NOTCH2: variants seen among roughly 807,000 people sequenced by gnomAD.
The protein encoded by NOTCH2 is notch receptor 2, also known as neurogenic locus notch homolog protein 2.
In NOTCH2, 29 loss-of-function variants were observed where a neutral mutation model predicts 235.8. The observed-to-expected ratio is 0.12, with a 90% CI of 0.09 to 0.17. The LOEUF is 0.17. Ranked by LOEUF, NOTCH2 falls within the 10% of genes least tolerant of loss-of-function variation. NOTCH2 has a pLI of 1.00. For missense variants in NOTCH2, 2,285 were observed against 3,150.2 expected (o/e 0.73, Z 6.57); for synonymous variants, 1,086 against 1,141.5 (o/e 0.95, Z 0.98).
chr1:119,921,669 C>G, intron 29 of NOTCH2, 44 bp downstream of exon 29: 1 of 1,517,770 alleles, frequency 6.6e-7, no homozygotes, highest in Non-Finnish European at 9.2e-7. Context: ...TGAAATGTAA[C>G]CAGATAATGG....
intron 19 of NOTCH2, 142 bp from the exon 20 acceptor site, chr1:119,938,152 A>T: frequency 1.1e-6 from 1 of 891,656 alleles, no homozygotes; most frequent in Non-Finnish European, 1.7e-6. Context: ...AAGAGCCCTT[A>T]AACTAGATTC....
At chr1:119,968,529 T>C (rs1006831088) in intron 6 of NOTCH2, among the ~76,000 whole-genome samples, 4 of 152,216 alleles carry the variant, frequency 2.6e-5, no homozygotes, top group Non-Finnish European at 5.9e-5. Flanking sequence ...TGGAGCTATC[T>C]TCCAGATAGT....
At chr1:119,950,679 G>T (rs1342657532) in intron 15 of NOTCH2, 45 bp downstream of exon 15, 13 of 1,251,602 alleles carry the variant, frequency 1.0e-5, no homozygotes, top group Non-Finnish European at 1.5e-5. Flanking sequence ...GACAAAGCAA[G>T]GTCAAGTATC....
At chr1:120,066,317 T>C (rs1261717702) in intron 1 of NOTCH2, among the ~76,000 whole-genome samples, 1 of 149,336 alleles carries the variant, frequency 6.7e-6, no homozygotes, top group Non-Finnish European at 1.5e-5. Flanking sequence ...GCAACCAAGT[T>C]ACTTGTCAGA....
chr1:120,004,668 G>A (rs2101239575), intron 3 of NOTCH2, among the ~76,000 whole-genome samples: 1 of 152,232 alleles, frequency 6.6e-6, no homozygotes, highest in East Asian at 1.9e-4. Context: ...AATGTCTAGG[G>A]AGGGAGATTT....
intron 8 of NOTCH2, among the ~76,000 whole-genome samples, 184 bp downstream of exon 8, chr1:119,967,249 T>C (rs1049041089): frequency 6.6e-6 from 1 of 152,204 alleles, no homozygotes; most frequent in African/African-American, 2.4e-5. Context: ...ATTCTAGCAC[T>C]GCCTTACTCT....
Position 119,911,941 on chromosome 1 carries a change from C to A in NOTCH2, c.*3365G>T, listed in dbSNP as rs190552044. On this transcript the variant is annotated 3_prime_UTR_variant, in exon 34 of 34. Coordinates refer to ENST00000256646, the MANE Select transcript of NOTCH2 (RefSeq NM_024408.4). Reference sequence around the variant, plus strand: ...AGAAAAAAAGAAGTTTGGTGCTAGGCTTTGTGGGATTCAGAAAGAAAAGAA... The same window carrying A: ...AGAAAAAAAGAAGTTTGGTGCTAGGATTTGTGGGATTCAGAAAGAAAAGAA... 1 of 233,198 alleles carries A rather than the reference C, an allele frequency of 4.3e-6. No homozygotes were observed. The highest frequency in any genetic ancestry group is 5.6e-5 in the Admixed American group (1 of 17,786). 14.4% of individuals were successfully genotyped at this position (233,198 alleles called of 1,614,324 possible). A position where few individuals can be genotyped will look rare whatever the true frequency, so the allele number is the denominator to read the frequency against.
chr1:119,935,281 T>C, intron 22 of NOTCH2, 191 bp downstream of exon 22: 2 of 1,519,508 alleles, frequency 1.3e-6, no homozygotes, highest in Non-Finnish European at 1.8e-6. Flanking sequence ...ACTGACAACA[T>C]AAACCACAAC....
rs76732188 is a variant in NOTCH2, at chr1:119,931,103, A to C, written c.3656-1891T>G. Among the ~76,000 whole-genome samples, 129 of 138,950 alleles carry C rather than the reference A, an allele frequency of 9.3e-4. 1 individual carries two copies. The highest frequency in any genetic ancestry group is 8.6e-3 in the South Asian group (38 of 4,402). 91.2% of individuals were successfully genotyped at this position (138,950 alleles called of 152,430 possible). A position where few individuals can be genotyped will look rare whatever the true frequency, so the allele number is the denominator to read the frequency against. ...GGGCAACAGAGCAAGACTCTGTCTT[A>C]AAAAAAAAAAAAAAAAAGGTACAAA... On this transcript the variant is annotated intron_variant, in intron 22 of 33. Transcript: ENST00000256646.
intron 1 of NOTCH2, among the ~76,000 whole-genome samples, chr1:120,048,611 G>C (rs1277548648): frequency 2.0e-5 from 3 of 147,704 alleles, no homozygotes; most frequent in African/African-American, 7.7e-5. Flanking sequence ...CCCACTCCTG[G>C]CTAATTTTTT....
intron 23 of NOTCH2, 80 bp downstream of exon 23, chr1:119,928,896 G>T: frequency 8.4e-7 from 1 of 1,188,768 alleles, no homozygotes; most frequent in East Asian, 2.3e-5. Context: ...ACTTGGGTCT[G>T]GGACAACTCA....
At position 119,940,698 on chromosome 1, in the gene NOTCH2, G is replaced by C; in HGVS notation, c.3040C>G (p.Pro1014Ala). ...DGINSFSCLC[P>A]VGFTGSFCLH... ...CAGAAGGATCCAGTGAAACCCACAGGGCACAAGCAAGAGAAGGAGTTAATC... is the reference window on the plus strand; with the variant it reads ...CAGAAGGATCCAGTGAAACCCACAGCGCACAAGCAAGAGAAGGAGTTAATC... The change falls in exon 19 of 34, where the codon CCT becomes GCT. Residue 1014 changes from proline (P) to alanine (A), a missense_variant. Physicochemically the swap from Pro to Ala is conservative, Grantham distance 27. Transcript: ENST00000256646. The C allele has an allele frequency of 6.2e-6, 10 of 1,614,104 alleles. No individual in the cohort carries two copies. Among genetic ancestry groups the C allele is most frequent in the Non-Finnish European group, 8.5e-6 (10 of 1,180,016 alleles).
intron 5 of NOTCH2, among the ~76,000 whole-genome samples, chr1:119,979,814 TAGTG>T (rs201997548): frequency 0.052 from 7,937 of 152,224 alleles, 634 homozygotes; most frequent in African/African-American, 0.17. Context: ...ATACAAAGTC[TAGTG>T]AGTGAGTGAA....
Position 119,946,356 on chromosome 1 carries a change from A to G in NOTCH2, c.2752+2058T>C, listed in dbSNP as rs36115155. On this transcript the variant is annotated intron_variant, in intron 17 of 33. Coordinates refer to ENST00000256646, the MANE Select transcript of NOTCH2 (RefSeq NM_024408.4). The stretch of plus-strand genomic sequence containing the variant: ...CACAACCAGACAATGGTAGTCCAAG[A>G]AACCTGGAGAACAATATCCTTCATG... Among the ~76,000 whole-genome samples the G allele has an allele frequency of 8.4e-3, 1,284 of 152,206 alleles. 5 individuals are homozygous for G. The highest frequency in any genetic ancestry group is 0.014 in the Non-Finnish European group (935 of 67,920).
chr1:119,948,768 T>C (rs1443832308), intron 16 of NOTCH2, among the ~76,000 whole-genome samples: 3 of 152,082 alleles, frequency 2.0e-5, no homozygotes, highest in African/African-American at 7.2e-5. Flanking sequence ...AGAATGAACA[T>C]CATGGCTTGT....
intron 1 of NOTCH2, among the ~76,000 whole-genome samples, chr1:120,055,632 G>A (rs1412617244): frequency 7.2e-6 from 1 of 139,712 alleles, no homozygotes; most frequent in Non-Finnish European, 1.6e-5. Flanking sequence ...TAATTATAGA[G>A]GGAGCAGAAG....
At chr1:119,931,420 A>C (rs1230975975) in intron 22 of NOTCH2, among the ~76,000 whole-genome samples, 2 of 152,156 alleles carry the variant, frequency 1.3e-5, no homozygotes, top group Non-Finnish European at 2.9e-5. Context: ...CTATACTATA[A>C]TTCATAAATT....
intron 1 of NOTCH2, among the ~76,000 whole-genome samples, chr1:120,043,884 T>C (rs1570779899): frequency 1.4e-5 from 2 of 147,776 alleles, no homozygotes; most frequent in African/African-American, 5.1e-5. Context: ...AACTACCCTA[T>C]GACTGAAATT....
At chr1:120,055,737 T>G (rs1263742389) in intron 1 of NOTCH2, among the ~76,000 whole-genome samples, 1 of 152,238 alleles carries the variant, frequency 6.6e-6, no homozygotes, top group East Asian at 1.9e-4. Flanking sequence ...ACAACCCTTG[T>G]TCAAGGCTGC....
Sources: allele counts gnomAD v4.1 joint callset (sites outside exome capture counted in the v4.1 genomes callset), GRCh38; gene constraint gnomAD v4.1.1; transcripts MANE v1.5; gene names NCBI Gene and HGNC (gene_info 2026-07-23, HGNC 2026-07-21).